Variants in PHKB observed in about 807,000 individuals in gnomAD.
The protein encoded by PHKB is phosphorylase kinase regulatory subunit beta.
In PHKB, 122 loss-of-function variants were observed where a neutral mutation model predicts 152.1. That is an observed-to-expected ratio of 0.80 (90% CI 0.69 to 0.93). PHKB has a LOEUF of 0.93. PHKB is among the 40% of genes least tolerant of loss of function. The pLI, the probability that PHKB is intolerant of heterozygous loss-of-function variation, is 0.00. For synonymous variants in PHKB, 436 were observed against 464.9 expected (o/e 0.94, Z 0.80); for missense variants, 1,304 against 1,328.4 (o/e 0.98, Z 0.29).
intron 7 of PHKB, among the ~76,000 whole-genome samples, chr16:47,568,791 C>T (rs1198753372): frequency 6.6e-6 from 1 of 152,102 alleles, no homozygotes; most frequent in African/African-American, 2.4e-5. Context: ...AAAAATCATT[C>T]AGGAGCATAT....
intron 1 of PHKB, among the ~76,000 whole-genome samples, chr16:47,467,952 C>T (rs946080096): frequency 2.6e-5 from 4 of 152,130 alleles, no homozygotes; most frequent in Non-Finnish European, 5.9e-5. Context: ...CAAATGTAAC[C>T]GGAACAAAAC....
chr16:47,568,573 T>C (rs578022737), intron 7 of PHKB, among the ~76,000 whole-genome samples: 1 of 152,186 alleles, frequency 6.6e-6, no homozygotes, highest in African/African-American at 2.4e-5. Flanking sequence ...TAGCTTTGGG[T>C]TTGGTTTGTT....
intron 30 of PHKB, among the ~76,000 whole-genome samples, chr16:47,698,849 GT>G (rs1456560739): frequency 6.6e-6 from 1 of 152,044 alleles, no homozygotes; most frequent in African/African-American, 2.4e-5. Flanking sequence ...GCATAAAAAT[GT>G]TTTATCAGAG....
chr16:47,587,440 G>C (rs1032421319), intron 8 of PHKB, among the ~76,000 whole-genome samples: 7 of 151,934 alleles, frequency 4.6e-5, no homozygotes, highest in Non-Finnish European at 7.4e-5. Context: ...AGAAAGTCAA[G>C]GAAAACTAGG....
intron 1 of PHKB, among the ~76,000 whole-genome samples, chr16:47,467,644 TC>T (rs1214450859): frequency 6.6e-6 from 1 of 152,142 alleles, no homozygotes; most frequent in African/African-American, 2.4e-5. Context: ...AGAGGCCATA[TC>T]ATATGACTTA....
At chr16:47,463,841 A>G (rs1969619003) in intron 1 of PHKB, 1 of 1,225,776 alleles carries the variant, frequency 8.2e-7, no homozygotes, top group Non-Finnish European at 1.2e-6. Context: ...CACTGCTTTC[A>G]ATTAATTTAA....
At chr16:47,501,845 C>T (rs1970329584) in intron 3 of PHKB, among the ~76,000 whole-genome samples, 1 of 152,138 alleles carries the variant, frequency 6.6e-6, no homozygotes, top group African/African-American at 2.4e-5. Flanking sequence ...CAGATAGAGA[C>T]TTTAAAGTCC....
intron 1 of PHKB, among the ~76,000 whole-genome samples, chr16:47,489,825 T>G (rs80136363): frequency 0.049 from 7,456 of 152,254 alleles, 288 homozygotes; most frequent in Non-Finnish European, 0.075. Context: ...AAACAACCAG[T>G]TTCTCCAATT....
chr16:47,661,674 T>C (rs575595936), intron 22 of PHKB, 45 bp from the exon 23 acceptor site: 3 of 1,245,934 alleles, frequency 2.4e-6, no homozygotes, highest in Admixed American at 3.4e-5. Context: ...TGGTAACTGC[T>C]GTACCCATTT....
intron 4 of PHKB, chr16:47,505,676 A>C (rs376365623): frequency 6.6e-6 from 1 of 152,140 alleles, no homozygotes. Flanking sequence ...CTTTGCAGGC[A>C]GTTTTGATCA....
intron 7 of PHKB, among the ~76,000 whole-genome samples, chr16:47,549,427 ACACCTGTAATCCAACACTTTGGGAGGC>A (rs1249373826): frequency 1.3e-5 from 2 of 152,158 alleles, no homozygotes; most frequent in East Asian, 3.9e-4. Flanking sequence ...GCAGTGGCTC[ACACCTGTAATCCAACACTTTGGGAGGC>A]CGAGGCGGGC....
rs373505695 is a variant in PHKB at position 47,677,360 on chromosome 16, G to A, written c.2630+7943G>A. ...AAGTCCCTTCTTGCAGCTTTCCATC[G>A]TCTGTCATTTGGTGTATCAGCTCTG... On this transcript the variant is annotated intron_variant, in intron 26 of 30. Transcript: ENST00000323584. Among the ~76,000 whole-genome samples, 11 of 152,260 alleles carry A rather than the reference G, an allele frequency of 7.2e-5. No individual in the cohort carries two copies. The South Asian group carries it at 1.2e-3, about 17-fold the overall frequency.
intron 14 of PHKB, among the ~76,000 whole-genome samples, chr16:47,614,408 G>A (rs999103457): frequency 6.6e-6 from 1 of 152,174 alleles, no homozygotes; most frequent in Admixed American, 6.5e-5. Context: ...CCATGGTATG[G>A]TGGTACCTTT....
At chr16:47,477,740 C>T (rs1040977437) in intron 1 of PHKB, among the ~76,000 whole-genome samples, 1 of 152,142 alleles carries the variant, frequency 6.6e-6, no homozygotes, top group Admixed American at 6.5e-5. Context: ...CCCTTGTATA[C>T]AAACTTTGAG....
Position 47,596,389 on chromosome 16 carries a change from A to G in PHKB, c.1221A>G (p.Pro407=). 1 of 1,607,446 alleles carries G rather than the reference A, an allele frequency of 6.2e-7. No individual in the cohort carries two copies. The highest frequency in any genetic ancestry group is 8.5e-7 in the Non-Finnish European group (1 of 1,173,986). ...HHTTEGYPVV[P]KYYYVPADFV... is the part of the protein sequence containing the mutation. ...ACTCCATAGGATATCCTGTTGTACC[A>G]AAGTACTATTATGTGCCAGCTGACT... Residue 407 remains proline, a synonymous_variant, in exon 13 of 31, where the codon CCA becomes CCG. Coordinates refer to ENST00000323584, the MANE Select transcript of PHKB (RefSeq NM_000293.3).
intron 6 of PHKB, among the ~76,000 whole-genome samples, chr16:47,521,419 C>T (rs953386331): frequency 5.9e-5 from 9 of 151,958 alleles, no homozygotes; most frequent in African/African-American, 1.7e-4. Context: ...TTAGGGAAGC[C>T]GAGGCAGGTG....
At chr16:47,612,772 T>C (rs1972451324) in intron 14 of PHKB, among the ~76,000 whole-genome samples, 1 of 152,158 alleles carries the variant, frequency 6.6e-6, no homozygotes. Context: ...GGTTGGCAGC[T>C]TGGTTGTGGT....
At chr16:47,571,331 A>C (rs1971654585) in intron 7 of PHKB, among the ~76,000 whole-genome samples, 1 of 152,178 alleles carries the variant, frequency 6.6e-6, no homozygotes, top group African/African-American at 2.4e-5. Context: ...GCAGTACCCC[A>C]GTGGTGGACA....
At chr16:47,523,278 AGTGTGGTG>A (rs1313154585) in intron 6 of PHKB, among the ~76,000 whole-genome samples, 1 of 152,110 alleles carries the variant, frequency 6.6e-6, no homozygotes, top group African/African-American at 2.4e-5. Context: ...CCTACTTCAA[AGTGTGGTG>A]GTGTTGATGT....
Sources: allele counts gnomAD v4.1 joint callset (sites outside exome capture counted in the v4.1 genomes callset), GRCh38; gene constraint gnomAD v4.1.1; transcripts MANE v1.5; gene names NCBI Gene and HGNC (gene_info 2026-07-23, HGNC 2026-07-21).